CFAP91: variants seen among roughly 807,000 people sequenced by gnomAD.
CFAP91 encodes the protein cilia and flagella associated protein 91, also known as cilia- and flagella-associated protein 91.
In CFAP91, 85 loss-of-function variants were observed where a neutral mutation model predicts 95.9. The observed-to-expected ratio is 0.89, with a 90% CI of 0.74 to 1.06. The LOEUF is 1.06. Ranked by LOEUF, CFAP91 falls within the 50% of genes least tolerant of loss-of-function variation. CFAP91 has a pLI of 0.00. For missense variants in CFAP91, 962 were observed against 943.4 expected (o/e 1.02, Z -0.26); for synonymous variants, 335 against 327.5 (o/e 1.02, Z -0.25).
intron 7 of CFAP91, among the ~76,000 whole-genome samples, chr3:119,728,628 T>C (rs1257295052): frequency 6.6e-6 from 1 of 152,150 alleles, no homozygotes; most frequent in Non-Finnish European, 1.5e-5. Context: ...CCATACTCAT[T>C]TGTCACTACA....
At chr3:119,747,350 C>A in intron 15 of CFAP91, 87 bp downstream of exon 15, 2 of 1,432,690 alleles carry the variant, frequency 1.4e-6, no homozygotes, top group Non-Finnish European at 1.9e-6. Context: ...AATTTCACCA[C>A]CAAGTAGAAA....
At chr3:119,708,698 A>G (rs746193145) in intron 4 of CFAP91, 24 bp downstream of exon 4, 2 of 1,314,274 alleles carry the variant, frequency 1.5e-6, no homozygotes, top group South Asian at 2.6e-5. Context: ...ACTAATGAAT[A>G]TTTGAGCCCT....
In CFAP91 at chr3:119,762,971, G is replaced by GATT. The variant is rs571181690; in HGVS notation, c.*2-2079_*2-2077dup. On this transcript the variant is annotated intron_variant, in intron 17 of 17. Coordinates refer to ENST00000273390, the MANE Select transcript of CFAP91 (RefSeq NM_033364.4). ...AACAAAAGTGAAAATAGACAAAAGA[G>GATT]ATTACATCTAACTAAAAAGTTTCAG... is the stretch of plus-strand genomic sequence containing the variant. Among the ~76,000 whole-genome samples, 9 of 152,124 alleles carry GATT rather than the reference G, an allele frequency of 5.9e-5. No homozygotes were observed. The South Asian group carries it at 1.9e-3, about 32-fold the overall frequency.
chr3:119,703,383 C>T (rs2053295746), intron 1 of CFAP91, 161 bp downstream of exon 1: 2 of 1,113,056 alleles, frequency 1.8e-6, no homozygotes, highest in East Asian at 5.4e-5. Flanking sequence ...AGCTCCGAGC[C>T]CTCCAGGTGG....
chr3:119,742,534 C>A (rs753434036), intron 13 of CFAP91, among the ~76,000 whole-genome samples: 1 of 152,180 alleles, frequency 6.6e-6, no homozygotes, highest in East Asian at 1.9e-4. Context: ...GGATTTCTAG[C>A]CACCTCAGGA....
chr3:119,730,893 A>G (rs1016994431), intron 8 of CFAP91, among the ~76,000 whole-genome samples: 11 of 152,198 alleles, frequency 7.2e-5, no homozygotes, highest in African/African-American at 2.2e-4. Context: ...ATTTTTATTC[A>G]CTGCAAGATT....
rs2054609204 is a variant in CFAP91, at chr3:119,765,330, G to T, written c.*280G>T. 1 of 152,116 alleles carries T rather than the reference G, an allele frequency of 6.6e-6. No individual in the cohort carries two copies. The highest frequency in any genetic ancestry group is 2.4e-5 in the African/African-American group (1 of 41,432). 9.4% of individuals were successfully genotyped at this position (152,116 alleles called of 1,614,324 possible). On this transcript the variant is annotated 3_prime_UTR_variant, in exon 18 of 18. Transcript: ENST00000273390. ...ATTTTGTTAACTATGAGGATGTGCT[G>T]GTTTGTTGAATCAAACAAAAGGAAA... is the stretch of plus-strand genomic sequence containing the variant.
intron 10 of CFAP91, among the ~76,000 whole-genome samples, chr3:119,736,696 C>T (rs891629540): frequency 1.3e-5 from 2 of 152,126 alleles, no homozygotes; most frequent in African/African-American, 4.8e-5. Context: ...AAGGTTCATC[C>T]AGGTTTTAAC....
intron 2 of CFAP91, 77 bp downstream of exon 2, chr3:119,706,962 A>G: frequency 9.1e-7 from 1 of 1,096,974 alleles, no homozygotes; most frequent in Non-Finnish European, 1.4e-6. Context: ...GATCAGATTG[A>G]CTAATCACCA....
intron 5 of CFAP91, 54 bp downstream of exon 5, chr3:119,709,949 A>C: frequency 7.3e-7 from 1 of 1,373,628 alleles, no homozygotes; most frequent in Non-Finnish European, 1.0e-6. Context: ...GTTTGCTTCC[A>C]TATTTTTTCT....
At chr3:119,730,600 TAGTGTGTGTGTGTGTG>T (rs2053877179) in intron 8 of CFAP91, among the ~76,000 whole-genome samples, 1 of 95,462 alleles carries the variant, frequency 1.0e-5, no homozygotes, top group African/African-American at 3.8e-5. Flanking sequence ...GTTACTGAGA[TAGTGTGTGTGTGTGTG>T]TGTGTGTGTG....
At chr3:119,735,673 A>C (rs531633692) in intron 10 of CFAP91, among the ~76,000 whole-genome samples, 2 of 152,294 alleles carry the variant, frequency 1.3e-5, no homozygotes, top group East Asian at 3.9e-4. Flanking sequence ...AAAATAATAA[A>C]AGTACATCTT....
In CFAP91 at chr3:119,766,732, T is replaced by C. The variant is rs922377558; in HGVS notation, c.*1682T>C. 2 of 152,172 alleles carry C rather than the reference T, an allele frequency of 1.3e-5. No individual in the cohort carries two copies. Among genetic ancestry groups the C allele is most frequent in the Non-Finnish European group, 2.9e-5 (2 of 68,034 alleles). The allele number at this position is 152,172 out of a possible 1,614,324, so 9.4% of individuals were successfully genotyped here. On this transcript the variant is annotated 3_prime_UTR_variant, in exon 18 of 18. Coordinates refer to ENST00000273390, the MANE Select transcript of CFAP91 (RefSeq NM_033364.4). ...AGAGCAGCACTCGATGACACAGAAA[T>C]GAATGCACATGACTGTGTTCCAGTA...
rs142599077 is a variant in CFAP91, at chr3:119,707,507, G to A, written c.305G>A (p.Arg102Gln). The A allele has an allele frequency of 6.4e-4, 1,021 of 1,597,570 alleles. 1 individual carries two copies. Among genetic ancestry groups the A allele is most frequent in the Admixed American group, 1.4e-3 (84 of 59,810 alleles). Residue 102 changes from arginine to glutamine, a missense_variant, in exon 3 of 18, where the codon CGG (arginine) becomes CAG (glutamine). Physicochemically the swap from Arg to Gln is conservative, Grantham distance 43. Coordinates refer to ENST00000273390, the MANE Select transcript of CFAP91 (RefSeq NM_033364.4). ...GATCCTGTCCCACCATTTATCAGTCGGGAATGGAAGGGACATAAGGAGAAA... is the reference window on the plus strand; with the variant it reads ...GATCCTGTCCCACCATTTATCAGTCAGGAATGGAAGGGACATAAGGAGAAA... ...KSDPVPPFIS[R>Q]EWKGHKEKHR...
Position 119,737,346 on chromosome 3 carries a change from A to G in CFAP91, c.1345-20A>G. On this transcript the variant is annotated intron_variant, in intron 10 of 17. Coordinates refer to ENST00000273390, the MANE Select transcript of CFAP91 (RefSeq NM_033364.4). ...AATTTTTGTTAAAAAAAGAGATTAT[A>G]TTAATTGGCATTATTTCAGGCACTG... 3 of 1,428,064 alleles carry G rather than the reference A, an allele frequency of 2.1e-6. No individual in the cohort carries two copies. The highest frequency in any genetic ancestry group is 1.9e-6 in the Non-Finnish European group (2 of 1,035,892). The allele number at this position is 1,428,064 out of a possible 1,614,324, so 88.5% of individuals were successfully genotyped here. A position where few individuals can be genotyped will look rare whatever the true frequency, so the allele number is the denominator to read the frequency against.
chr3:119,747,874 G>A lies in CFAP91; in HGVS notation c.2115G>A (p.Glu705=), dbSNP rs373032404. The A allele has an allele frequency of 1.1e-5, 18 of 1,613,098 alleles. No individual in the cohort carries two copies. In the African/African-American group the frequency reaches 2.1e-4, roughly 19 times the overall value. ...AELVYSFLIP[E]VQKYFVKEKV... is the part of the protein sequence containing the mutation. Reference sequence around the variant, plus strand: ...TGGTTTATAGTTTTCTGATCCCAGAGGTGCAAAAATACTTTGTCAAAGAAA... The same window carrying A: ...TGGTTTATAGTTTTCTGATCCCAGAAGTGCAAAAATACTTTGTCAAAGAAA... Residue 705 remains glutamate (E), a synonymous_variant, in exon 16 of 18, where the codon GAG becomes GAA. Transcript: ENST00000273390.
At chr3:119,722,110 C>A (rs2053696475) in intron 6 of CFAP91, among the ~76,000 whole-genome samples, 1 of 144,744 alleles carries the variant, frequency 6.9e-6, no homozygotes, top group East Asian at 2.0e-4. Context: ...TTCAAGGTTA[C>A]AGTGTACAGT....
At chr3:119,718,856 T>A (rs1243718475) in intron 6 of CFAP91, among the ~76,000 whole-genome samples, 1 of 152,048 alleles carries the variant, frequency 6.6e-6, no homozygotes, top group Non-Finnish European at 1.5e-5. Flanking sequence ...GTAAATTTAT[T>A]TATGTAATGT....
intron 1 of CFAP91, 65 bp from the exon 2 acceptor site, chr3:119,706,744 C>A: frequency 8.4e-7 from 1 of 1,195,822 alleles, no homozygotes; most frequent in Non-Finnish European, 1.2e-6. Context: ...ATTACTTTGC[C>A]ATTATTCTCA....
Sources: gnomAD v4.1 joint callset for allele counts (sites outside exome capture counted in the v4.1 genomes callset) on GRCh38, gnomAD v4.1.1 for gene constraint, MANE v1.5 for transcripts, NCBI Gene and HGNC (gene_info 2026-07-23, HGNC 2026-07-21) for gene names.